The following TLK2 variants were observed in gnomAD, a reference collection of about 807,000 sequenced individuals.
The protein encoded by TLK2 is serine/threonine-protein kinase tousled-like 2.
Under a neutral mutation model 117.3 loss-of-function variants are expected in TLK2, and 6 were observed. The observed-to-expected ratio is 0.05, with a 90% CI of 0.03 to 0.10. The LOEUF (loss-of-function observed/expected upper bound fraction) is 0.10. Ranked by LOEUF, TLK2 falls within the 10% of genes least tolerant of loss-of-function variation. TLK2 has a pLI of 1.00. For synonymous variants in TLK2, 257 were observed against 316.7 expected (o/e 0.81, Z 2.00); for missense variants, 299 against 901.2 (o/e 0.33, Z 8.56).
chr17:62,505,120 G>A (rs1567809343), intron 2 of TLK2, among the ~76,000 whole-genome samples: 1 of 152,056 alleles, frequency 6.6e-6, no homozygotes, highest in African/African-American at 2.4e-5. Context: ...AATTACAGGT[G>A]TGAGCCACTC....
intron 7 of TLK2, among the ~76,000 whole-genome samples, chr17:62,540,701 T>G (rs995446372): frequency 2.0e-5 from 3 of 152,088 alleles, no homozygotes; most frequent in Non-Finnish European, 4.4e-5. Context: ...ATCTGGCCTG[T>G]GTTCAGAATT....
intron 11 of TLK2, among the ~76,000 whole-genome samples, chr17:62,566,246 C>T (rs908602702): frequency 6.6e-6 from 1 of 151,442 alleles, no homozygotes; most frequent in Admixed American, 6.6e-5. Context: ...GCCTTTCTTT[C>T]CTGTGTTTTT....
At chr17:62,582,811 G>A (rs2081315456) in intron 15 of TLK2, among the ~76,000 whole-genome samples, 1 of 151,892 alleles carries the variant, frequency 6.6e-6, no homozygotes, top group African/African-American at 2.4e-5. Context: ...CCTTGTCCTT[G>A]GAACCATTTT....
Position 62,614,327 on chromosome 17 carries a change from C to T in TLK2, c.*1762C>T, listed in dbSNP as rs1370020772. 6.6e-6 allele frequency: 1 copy of T among 152,138 alleles called. No homozygotes were observed. The highest frequency in any genetic ancestry group is 6.5e-5 in the Admixed American group (1 of 15,282). 9.4% of individuals were successfully genotyped at this position (152,138 alleles called of 1,614,324 possible). A position where few individuals can be genotyped will look rare whatever the true frequency, so the allele number is the denominator to read the frequency against. On this transcript the variant is annotated 3_prime_UTR_variant, in exon 22 of 22. Coordinates refer to ENST00000346027, the MANE Select transcript of TLK2 (RefSeq NM_006852.6). ...AGAGGGAGGGAGCCAAGAGCCTGAA[C>T]ATGTGGTCGCCAGCTTGGAATGTTA... is the stretch of plus-strand genomic sequence containing the variant.
At chr17:62,499,234 G>A (rs571040076) in intron 2 of TLK2, among the ~76,000 whole-genome samples, 2 of 152,044 alleles carry the variant, frequency 1.3e-5, no homozygotes, top group Non-Finnish European at 2.9e-5. Context: ...CCAGCTACTC[G>A]GGAGGCTGAG....
At chr17:62,572,176 C>CA (rs111925931) in intron 11 of TLK2, among the ~76,000 whole-genome samples, 1,027 of 54,102 alleles carry the variant, frequency 0.019, 7 homozygotes, top group African/African-American at 0.033. Flanking sequence ...GGCTCTGTCT[C>CA]AAAAAAAAAA....
In TLK2 at chr17:62,482,799, TGCTAG is replaced by T. The variant is rs1412104406; in HGVS notation, c.81+1596_81+1600del. The stretch of plus-strand genomic sequence containing the variant: ...CAACAAATATTGAGCACCTGCTGTA[TGCTAG>T]GCATTGTGCAAGGTGTTAGGGCTGA... On this transcript the variant is annotated intron_variant, in intron 2 of 21. Transcript: ENST00000346027. Among the ~76,000 whole-genome samples, 6 of 152,284 alleles carry T rather than the reference TGCTAG, an allele frequency of 3.9e-5. No individual in the cohort carries two copies. In the East Asian group the frequency reaches 1.2e-3, roughly 29 times the overall value.
chr17:62,483,563 C>T (rs1343419711), intron 2 of TLK2, among the ~76,000 whole-genome samples: 3 of 152,208 alleles, frequency 2.0e-5, no homozygotes. Flanking sequence ...AGTGCAGTGG[C>T]ACGATCTCGG....
rs1172726253 is a variant in TLK2 at position 62,588,059 on chromosome 17, CGTATACATCTGTATATGTATAAA to C, written c.1460+1834_1460+1856del. On this transcript the variant is annotated intron_variant, in intron 16 of 21. Transcript: ENST00000346027. ...TACATCTGTATATGTATAAAATATA[CGTATACATCTGTATATGTATAAA>C]ATATACGTATACATCTGTATATGTA... Among the ~76,000 whole-genome samples, 27 of 130,176 alleles carry C rather than the reference CGTATACATCTGTATATGTATAAA, an allele frequency of 2.1e-4. No homozygotes were observed. The East Asian group carries it at 5.8e-3, about 28-fold the overall frequency. The allele number at this position is 130,176 out of a possible 152,430, so 85.4% of individuals were successfully genotyped here.
chr17:62,580,099 C>T lies in TLK2; in HGVS notation c.1287-12C>T. On this transcript the variant is annotated splice_polypyrimidine_tract_variant and intron_variant, in intron 14 of 21. Transcript: ENST00000346027. ...ATGATCTCAGGGTGTTACATGTTCC[C>T]TGTTTCCACAGATTTAAAGATCATC... 2 of 1,610,404 alleles carry T rather than the reference C, an allele frequency of 1.2e-6. No individual in the cohort carries two copies.
chr17:62,524,745 T>G (rs1474105089), intron 6 of TLK2, among the ~76,000 whole-genome samples: 2 of 152,202 alleles, frequency 1.3e-5, no homozygotes, highest in Non-Finnish European at 2.9e-5. Flanking sequence ...CTATGCAGAT[T>G]TGTGATAGGT....
chr17:62,500,613 C>T (rs1217401543), intron 2 of TLK2, among the ~76,000 whole-genome samples: 1 of 152,096 alleles, frequency 6.6e-6, no homozygotes, highest in Non-Finnish European at 1.5e-5. Flanking sequence ...TGGACAATAC[C>T]CTCAATGGAC....
chr17:62,471,938 G>T (rs1435514153), intron 1 of TLK2, among the ~76,000 whole-genome samples: 1 of 101,804 alleles, frequency 9.8e-6, no homozygotes, highest in Non-Finnish European at 1.8e-5. Context: ...TTACTCTGTC[G>T]CCTAGGCTGG....
chr17:62,471,974 C>A (rs1054019499), intron 1 of TLK2, among the ~76,000 whole-genome samples: 1 of 116,440 alleles, frequency 8.6e-6, no homozygotes, highest in Admixed American at 1.3e-4. Context: ...GGTGTGATTT[C>A]GGCTCACTGC....
chr17:62,524,374 C>G (rs1221674326), intron 6 of TLK2, 43 bp downstream of exon 6: 1 of 1,566,294 alleles, frequency 6.4e-7, no homozygotes, highest in East Asian at 2.3e-5. Context: ...TTGTAGGAGA[C>G]AAGATGCCCA....
At chr17:62,515,697 T>A (rs2075523507) in intron 2 of TLK2, among the ~76,000 whole-genome samples, 1 of 152,218 alleles carries the variant, frequency 6.6e-6, no homozygotes, top group South Asian at 2.1e-4. Flanking sequence ...TGTTGTTGAG[T>A]TGTAGCAGTT....
chr17:62,549,688 AC>A (rs2078289117), intron 7 of TLK2: 1 of 151,770 alleles, frequency 6.6e-6, no homozygotes. Flanking sequence ...TTGCTCTGTC[AC>A]CCAGGCTAGA....
intron 1 of TLK2, among the ~76,000 whole-genome samples, chr17:62,473,810 T>C (rs1006397375): frequency 2.0e-5 from 3 of 152,244 alleles, no homozygotes; most frequent in Non-Finnish European, 4.4e-5. Context: ...AGTTGGTAGT[T>C]ACGACAGAGA....
chr17:62,474,373 C>T (rs1242030918), upstream of TLK2, among the ~76,000 whole-genome samples: 1 of 151,160 alleles, frequency 6.6e-6, no homozygotes, highest in African/African-American at 2.4e-5. Flanking sequence ...CCACCGCGCC[C>T]GGCCCTGTAT....
Sources: gnomAD v4.1 joint callset for allele counts (sites outside exome capture counted in the v4.1 genomes callset) on GRCh38, gnomAD v4.1.1 for gene constraint, MANE v1.5 for transcripts, NCBI Gene and HGNC (gene_info 2026-07-23, HGNC 2026-07-21) for gene names.